CACNB1: variants seen among roughly 807,000 people sequenced by gnomAD.
The protein encoded by CACNB1 is calcium voltage-gated channel auxiliary subunit beta 1.
Under a neutral mutation model 71.6 loss-of-function variants are expected in CACNB1, and 29 were observed. That is an observed-to-expected ratio of 0.40 (90% CI 0.30 to 0.55). CACNB1 has a LOEUF of 0.55. Among genes scored for constraint, CACNB1 ranks in the 20% least tolerant of loss-of-function variants. The pLI is 0.38. For synonymous variants in CACNB1, 300 were observed against 319.6 expected (o/e 0.94, Z 0.65); for missense variants, 623 against 801.8 (o/e 0.78, Z 2.69).
rs764091576 is a variant in CACNB1 at position 39,175,374 on chromosome 17, C to A, written c.1616G>T (p.Gly539Val). The A allele has an allele frequency of 6.2e-7, 1 of 1,613,898 alleles. No individual in the cohort carries two copies. The highest frequency in any genetic ancestry group is 8.5e-7 in the Non-Finnish European group (1 of 1,179,970). Residue 539 changes from glycine (G) to valine (V), a missense_variant, in exon 14 of 14, where the codon GGC (glycine) becomes GTC (valine). Physicochemically the swap from Gly to Val is moderately radical, Grantham distance 109. Transcript: ENST00000394303. The surrounding 1 kb of genome is among the most constrained non-coding windows in gnomAD (Gnocchi z 4.7). ...GGATCCCTGTCGGGCTGGGGGCGTG[C>A]CGCCCCCTGCAGGGTCTCCAAGCCC... Reference protein sequence around the residue: ...GPGLGDPAGGGTPPARQGSWE... With the variant: ...GPGLGDPAGGVTPPARQGSWE...
In CACNB1 at chr17:39,187,512, G is replaced by A; in HGVS notation, c.381C>T (p.Thr127=). ...DEVPVQGVAI[T]FEPKDFLHIK... ...TGTGCAGGAAGTCTTTGGGCTCGAA[G>A]GTGATGGCCACTCCCTGCACAGGCA... The change falls in exon 4 of 14, where the codon ACC becomes ACT. Residue 127 remains threonine (T), a synonymous_variant. Transcript: ENST00000394303. The A allele has an allele frequency of 6.2e-7, 1 of 1,614,118 alleles. No homozygotes were observed. The highest frequency in any genetic ancestry group is 8.5e-7 in the Non-Finnish European group (1 of 1,180,000).
At position 39,187,612 on chromosome 17, in the gene CACNB1, C is replaced by T. The variant is rs1306525548; in HGVS notation, c.292-11G>A. The T allele has an allele frequency of 5.0e-6, 8 of 1,614,124 alleles. No homozygotes were observed. Among genetic ancestry groups the T allele is most frequent in the Admixed American group, 3.3e-5 (2 of 60,024 alleles). On this transcript the variant is annotated splice_polypyrimidine_tract_variant and intron_variant, in intron 3 of 13. Transcript: ENST00000394303. ...TGCCACTGGCTTGGTCTAGAGGAGG[C>T]ACACAGGGGAGGATGGCAACTAGAG...
At position 39,175,538 on chromosome 17, in the gene CACNB1, T is replaced by C. The variant is rs1268172051; in HGVS notation, c.1452A>G (p.Pro484=). The C allele has an allele frequency of 6.2e-7, 1 of 1,613,514 alleles. No individual in the cohort carries two copies. The highest frequency in any genetic ancestry group is 8.5e-7 in the Non-Finnish European group (1 of 1,179,900). The change falls in exon 14 of 14, where the codon CCA becomes CCG. Residue 484 remains proline, a synonymous_variant. Transcript: ENST00000394303. This position sits in a 1 kb window ranked among gnomAD's most constrained non-coding sequence, Gnocchi z 4.7. Reference sequence around the variant, plus strand: ...CCCGTAGCGTGCCTGCCCGGCCTGGTGGGTGGCTGCTGGGGTAAAGGCCTG... The same window carrying C: ...CCCGTAGCGTGCCTGCCCGGCCTGGCGGGTGGCTGCTGGGGTAAAGGCCTG... ...QPPGLYPSSH[P]PGRAGTLRAL... is the part of the protein sequence containing the mutation.
intron 3 of CACNB1, among the ~76,000 whole-genome samples, chr17:39,190,265 TA>T (rs1433055714): frequency 1.3e-5 from 2 of 151,634 alleles, no homozygotes; most frequent in Non-Finnish European, 2.9e-5. Context: ...CTACAAAAAA[TA>T]AAAAATCAGC....
chr17:39,183,368 G>GAAGAAGAA lies in CACNB1; in HGVS notation c.1050+344_1050+345insTTCTTCTT, dbSNP rs1433401577. ...GAAGAAGAAGAAGAAGAAGAAGAAA[G>GAAGAAGAA]GAAAGACCTCCCAACTGCCAAGTAG... is the stretch of plus-strand genomic sequence containing the variant. On this transcript the variant is annotated intron_variant, in intron 11 of 13. Coordinates refer to ENST00000394303, the MANE Select transcript of CACNB1 (RefSeq NM_000723.5). Among the ~76,000 whole-genome samples the GAAGAAGAA allele has an allele frequency of 4.9e-5, 7 of 143,698 alleles. No individual in the cohort carries two copies. The East Asian group carries it at 6.4e-4, about 13-fold the overall frequency. 94.3% of individuals were successfully genotyped at this position (143,698 alleles called of 152,430 possible). A position where few individuals can be genotyped will look rare whatever the true frequency, so the allele number is the denominator to read the frequency against.
intron 11 of CACNB1, among the ~76,000 whole-genome samples, chr17:39,178,758 G>A (rs562242936): frequency 1.3e-5 from 2 of 152,100 alleles, no homozygotes; most frequent in Admixed American, 6.6e-5. Context: ...GCATTGTTCT[G>A]TGCTTTTCAC....
In CACNB1 at chr17:39,173,793, G is replaced by C. The variant is rs1421144418; in HGVS notation, c.*1400C>G. ...CGAGGACAAAGAAGCAGGCTTGGGA[G>C]GCAGCCACAAAGGACAGGACAGTGG... On this transcript the variant is annotated 3_prime_UTR_variant, in exon 14 of 14. Transcript: ENST00000394303. 2 of 152,518 alleles carry C rather than the reference G, an allele frequency of 1.3e-5. No homozygotes were observed. The highest frequency in any genetic ancestry group is 6.5e-5 in the Admixed American group (1 of 15,274). 9.4% of individuals were successfully genotyped at this position (152,518 alleles called of 1,614,324 possible). A position where few individuals can be genotyped will look rare whatever the true frequency, so the allele number is the denominator to read the frequency against.
chr17:39,193,203 CAT>C, intron 2 of CACNB1: 1 of 285,558 alleles, frequency 3.5e-6, no homozygotes, highest in Non-Finnish European at 7.0e-6. Context: ...TGCAGACGCA[CAT>C]GTGCGGGCAG....
intron 11 of CACNB1, among the ~76,000 whole-genome samples, chr17:39,179,526 A>T (rs2045690944): frequency 6.7e-6 from 1 of 149,748 alleles, no homozygotes; most frequent in Non-Finnish European, 1.5e-5. Context: ...GCTTGCAGTG[A>T]GCTGAGATCG....
chr17:39,175,184 C>G lies in CACNB1; in HGVS notation c.*9G>C. 1 of 1,599,772 alleles carries G rather than the reference C, an allele frequency of 6.3e-7. No homozygotes were observed. The highest frequency in any genetic ancestry group is 8.5e-7 in the Non-Finnish European group (1 of 1,170,792). ...AGAGCCCTTCCTCCCGCCGTGTGGC[C>G]CCTGCCTCTCAGCGAATGTAGACGC... is the stretch of plus-strand genomic sequence containing the variant. On this transcript the variant is annotated 3_prime_UTR_variant, in exon 14 of 14. Coordinates refer to ENST00000394303, the MANE Select transcript of CACNB1 (RefSeq NM_000723.5). The surrounding 1 kb of genome is among the most constrained non-coding windows in gnomAD (Gnocchi z 4.7).
At chr17:39,184,953 C>T (rs2045895887) in intron 7 of CACNB1, 89 bp from the exon 8 acceptor site, 3 of 1,079,294 alleles carry the variant, frequency 2.8e-6, no homozygotes, top group Middle Eastern at 2.0e-4. Flanking sequence ...ATGCAGCCTT[C>T]CCCCACCCTG....
chr17:39,184,885 G>A, intron 7 of CACNB1, 21 bp from the exon 8 acceptor site: 1 of 1,470,750 alleles, frequency 6.8e-7, no homozygotes, highest in Non-Finnish European at 9.5e-7. Flanking sequence ...AAGCAGGGAG[G>A]GGAAACCCCA....
In CACNB1 at chr17:39,187,616, CAG is replaced by C; in HGVS notation, c.292-17_292-16del. 1 of 1,614,066 alleles carries C rather than the reference CAG, an allele frequency of 6.2e-7. No homozygotes were observed. The highest frequency in any genetic ancestry group is 8.5e-7 in the Non-Finnish European group (1 of 1,179,946). ...ACTGGCTTGGTCTAGAGGAGGCACA[CAG>C]GGGAGGATGGCAACTAGAGGGCAAA... On this transcript the variant is annotated splice_polypyrimidine_tract_variant and intron_variant, in intron 3 of 13. Coordinates refer to ENST00000394303, the MANE Select transcript of CACNB1 (RefSeq NM_000723.5).
At chr17:39,184,748 G>A (rs769736791) in intron 8 of CACNB1, 36 bp downstream of exon 8, 1 of 1,369,426 alleles carries the variant, frequency 7.3e-7, no homozygotes, top group Non-Finnish European at 1.0e-6. Context: ...TCTTTCTAAG[G>A]CCCCTCTGCA....
At chr17:39,188,895 T>G (rs2046006233) in intron 3 of CACNB1, among the ~76,000 whole-genome samples, 1 of 151,824 alleles carries the variant, frequency 6.6e-6, no homozygotes. Flanking sequence ...AATACAAAAT[T>G]AGCATGGTGT....
chr17:39,175,045 ACCAAAGAAACC>A lies in CACNB1; in HGVS notation c.*137_*147del. 1.4e-6 allele frequency: 1 copy of A among 706,174 alleles called. No homozygotes were observed. Among genetic ancestry groups the A allele is most frequent in the Non-Finnish European group, 2.4e-6 (1 of 424,720 alleles). 43.7% of individuals were successfully genotyped at this position (706,174 alleles called of 1,614,324 possible). ...GCCTCCCGGGAGCTGGGATGGTAAC[ACCAAAGAAACC>A]CCAAGCTTTGAGCAAAGGCATCTGA... On this transcript the variant is annotated 3_prime_UTR_variant, in exon 14 of 14. Transcript: ENST00000394303. This position sits in a 1 kb window ranked among gnomAD's most constrained non-coding sequence, Gnocchi z 4.7.
rs2045939729 is a variant in CACNB1 at position 39,186,348 on chromosome 17, A to C, written c.628+148T>G. 6 of 649,370 alleles carry C rather than the reference A, an allele frequency of 9.2e-6. No individual in the cohort carries two copies. The highest frequency in any genetic ancestry group is 1.8e-5 in the African/African-American group (1 of 54,258). 40.2% of individuals were successfully genotyped at this position (649,370 alleles called of 1,614,324 possible). The stretch of plus-strand genomic sequence containing the variant: ...ACAGGCCCAGCTTGAGGGGTAGCCT[A>C]CTCTTCATGGAGGGGGAACCACTGC... On this transcript the variant is annotated intron_variant, in intron 6 of 13. Coordinates refer to ENST00000394303, the MANE Select transcript of CACNB1 (RefSeq NM_000723.5). The surrounding 1 kb of genome is among the most constrained non-coding windows in gnomAD (Gnocchi z 4.1).
In CACNB1 at chr17:39,184,019, G is replaced by T; in HGVS notation, c.898+12C>A. The T allele has an allele frequency of 6.3e-7, 1 of 1,597,968 alleles. No individual in the cohort carries two copies. ...CAGAAAGGGGGAGTGAAGACAGCAGGAGTAGGCTCACCCAGGCTGGAGCGT... is the reference window on the plus strand; with the variant it reads ...CAGAAAGGGGGAGTGAAGACAGCAGTAGTAGGCTCACCCAGGCTGGAGCGT... On this transcript the variant is annotated intron_variant, in intron 10 of 13. Transcript: ENST00000394303.
At chr17:39,190,783 T>C (rs1397883813) in intron 3 of CACNB1, among the ~76,000 whole-genome samples, 1 of 152,094 alleles carries the variant, frequency 6.6e-6, no homozygotes, top group Admixed American at 6.5e-5. Flanking sequence ...GTGTTCCAGG[T>C]ACCATGTTAC....
Sources: allele counts gnomAD v4.1 joint callset (sites outside exome capture counted in the v4.1 genomes callset), GRCh38; gene constraint gnomAD v4.1.1; non-coding constraint Gnocchi (gnomAD v3.1); transcripts MANE v1.5; gene names NCBI Gene and HGNC (gene_info 2026-07-23, HGNC 2026-07-21).